The following PARP4 variants were observed in gnomAD, a reference collection of about 807,000 sequenced individuals.
PARP4 encodes the protein poly(ADP-ribose) polymerase family member 4.
PARP4 carries 120 observed loss-of-function variants against 187.7 expected under a neutral mutation model. The ratio of observed to expected loss-of-function variants is 0.64; its 90% CI spans 0.55 to 0.74. PARP4 has a LOEUF of 0.74. Ranked by LOEUF, PARP4 falls within the 30% of genes least tolerant of loss-of-function variation. The pLI is 0.00. For synonymous variants in PARP4, 654 were observed against 740.9 expected (o/e 0.88, Z 1.90); for missense variants, 1,836 against 2,070.5 (o/e 0.89, Z 2.20).
intron 17 of PARP4, among the ~76,000 whole-genome samples, chr13:24,466,213 C>A (rs1373318217): frequency 6.6e-6 from 1 of 152,152 alleles, no homozygotes; most frequent in African/African-American, 2.4e-5. Context: ...GAGACAGGGT[C>A]TCGCTTTGTT....
At chr13:24,459,532 T>TAC (rs762453075) in intron 18 of PARP4, 11,962 of 315,404 alleles carry the variant, frequency 0.038, 316 homozygotes, top group African/African-American at 0.089. Context: ...TCTGTGTGTA[T>TAC]ACACACACAC....
At chr13:24,428,862 G>A (rs1265372865) in intron 32 of PARP4, among the ~76,000 whole-genome samples, 4 of 149,738 alleles carry the variant, frequency 2.7e-5, no homozygotes, top group East Asian at 2.0e-4. Flanking sequence ...GAGTTTGTTG[G>A]ATCTGGAAGG....
intron 1 of PARP4, among the ~76,000 whole-genome samples, chr13:24,507,707 T>C (rs1403831338): frequency 6.6e-6 from 1 of 152,206 alleles, no homozygotes; most frequent in East Asian, 1.9e-4. Flanking sequence ...AGGAAACTTG[T>C]TGTTTTTAAA....
At position 24,484,625 on chromosome 13, in the gene PARP4, C is replaced by T. The variant is rs748548293; in HGVS notation, c.1448+28G>A. 992 of 1,435,308 alleles carry T rather than the reference C, an allele frequency of 6.9e-4. 4 individuals carry two copies. The highest frequency in any genetic ancestry group is 6.0e-4 in the Non-Finnish European group (613 of 1,018,862). 88.9% of individuals were successfully genotyped at this position (1,435,308 alleles called of 1,614,324 possible). A position where few individuals can be genotyped will look rare whatever the true frequency, so the allele number is the denominator to read the frequency against. ...AAAATACACAGCAAGTATTCAGTAACGATTCTGTGATTAAGGATCGAACAT... is the reference window on the plus strand; with the variant it reads ...AAAATACACAGCAAGTATTCAGTAATGATTCTGTGATTAAGGATCGAACAT... On this transcript the variant is annotated intron_variant, in intron 12 of 33. Coordinates refer to ENST00000381989, the MANE Select transcript of PARP4 (RefSeq NM_006437.4).
chr13:24,459,567 ATTTT>A, intron 18 of PARP4: 8 of 410,858 alleles, frequency 1.9e-5, no homozygotes, highest in South Asian at 7.3e-5. Flanking sequence ...ACACACACAC[ATTTT>A]ATACATGTGC....
Position 24,459,087 on chromosome 13 carries a change from A to C in PARP4, c.2381T>G (p.Val794Gly). The change falls in exon 20 of 34, where the codon GTG becomes GGG. Residue 794 changes from valine (V) to glycine (G), a missense_variant. By Grantham distance (109) the Val-to-Gly change is moderately radical. Around this residue, in one of 8 missense-constraint regions of PARP4, gnomAD observed 1,147 missense variants for 1,214.2 expected, o/e 0.94. Transcript: ENST00000381989. Reference protein sequence around the residue: ...SLTMSIEMPYVIEFIFSDTHE... With the variant: ...SLTMSIEMPYGIEFIFSDTHE... ...TGTATCACTGAAAATGAATTCAATC[A>C]CATACGGCATCTCAATAGACATAGT... is the stretch of plus-strand genomic sequence containing the variant. 1 of 1,611,372 alleles carries C rather than the reference A, an allele frequency of 6.2e-7. No individual in the cohort carries two copies. Among genetic ancestry groups the C allele is most frequent in the Non-Finnish European group, 8.5e-7 (1 of 1,178,020 alleles).
intron 1 of PARP4, among the ~76,000 whole-genome samples, chr13:24,506,607 T>G (rs1429231543): frequency 6.6e-6 from 1 of 152,144 alleles, no homozygotes; most frequent in Non-Finnish European, 1.5e-5. Context: ...ATTGGTGCAT[T>G]TACAAACCTT....
intron 2 of PARP4, among the ~76,000 whole-genome samples, chr13:24,502,954 G>A (rs1207819275): frequency 6.6e-6 from 1 of 152,220 alleles, no homozygotes; most frequent in Non-Finnish European, 1.5e-5. Flanking sequence ...GGGTGAGTCA[G>A]CTCATCAATT....
At chr13:24,462,929 T>G (rs1756416101) in intron 17 of PARP4, among the ~76,000 whole-genome samples, 1 of 152,114 alleles carries the variant, frequency 6.6e-6, no homozygotes, top group African/African-American at 2.4e-5. Flanking sequence ...GTATATGTAT[T>G]GAAGTCTCAG....
At position 24,458,759 on chromosome 13, in the gene PARP4, C is replaced by T. The variant is rs551337595; in HGVS notation, c.2424+285G>A. On this transcript the variant is annotated intron_variant, in intron 20 of 33. Coordinates refer to ENST00000381989, the MANE Select transcript of PARP4 (RefSeq NM_006437.4). ...GGGCAAGAGCTACACGTCCAACTTC[C>T]AAAACAGGAAGTCAAAAGATAATTT... Among the ~76,000 whole-genome samples, 10 of 152,090 alleles carry T rather than the reference C, an allele frequency of 6.6e-5. No homozygotes were observed. In the East Asian group the frequency reaches 1.4e-3, roughly 21 times the overall value.
At chr13:24,431,976 C>T (rs1031046153) in intron 31 of PARP4, among the ~76,000 whole-genome samples, 10 of 152,182 alleles carry the variant, frequency 6.6e-5, no homozygotes, top group Non-Finnish European at 1.5e-4. Context: ...ATCCACCCGC[C>T]TCGGCCTCCC....
chr13:24,456,926 C>A (rs1329684604), intron 20 of PARP4, among the ~76,000 whole-genome samples: 1 of 151,220 alleles, frequency 6.6e-6, no homozygotes, highest in Non-Finnish European at 1.5e-5. Context: ...CAAAACAAAA[C>A]AAAAAAAACA....
chr13:24,440,419 T>TAAAAAAAAAAAAAAAAAAAAAATAAAAAA (rs71070698), intron 30 of PARP4, among the ~76,000 whole-genome samples: 1 of 126,222 alleles, frequency 7.9e-6, no homozygotes, highest in Non-Finnish European at 1.6e-5. Context: ...AAATTAAAAT[T>TAAAAAAAAAAAAAAAAAAAAAATAAAAAA]AAAAAAAAAA....
intron 12 of PARP4, among the ~76,000 whole-genome samples, chr13:24,483,008 C>A (rs929036485): frequency 5.3e-5 from 8 of 151,754 alleles, no homozygotes; most frequent in African/African-American, 1.7e-4. Context: ...CTACAGTGCT[C>A]TTTTTTTCTT....
At position 24,434,448 on chromosome 13, in the gene PARP4, G is replaced by C; in HGVS notation, c.4693C>G (p.Gln1565Glu). ...CAAGGCACAGCATCCTGCCAGTGTT[G>C]TATGCACACTATTTCATCCTCTTCT... The part of the protein sequence containing the change: ...VKEEDEIVCI[Q>E]HWQDAVPWTE... Residue 1565 changes from glutamine (Q) to glutamate (E), a missense_variant, in exon 31 of 34, where the codon CAA becomes GAA. By Grantham distance (29) the Gln-to-Glu change is conservative (BLOSUM62 2). This residue lies in a region of PARP4 where 450 missense variants were observed against 439.2 expected (regional missense o/e 1.02). Transcript: ENST00000381989. The C allele has an allele frequency of 6.2e-7, 1 of 1,602,210 alleles. No individual in the cohort carries two copies. Among genetic ancestry groups the C allele is most frequent in the Non-Finnish European group, 8.5e-7 (1 of 1,171,892 alleles).
intron 10 of PARP4, among the ~76,000 whole-genome samples, chr13:24,487,643 G>A (rs1868390346): frequency 6.6e-6 from 1 of 152,110 alleles, no homozygotes; most frequent in Non-Finnish European, 1.5e-5. Flanking sequence ...GGGAGACGGG[G>A]GTACGGCTGA....
chr13:24,475,516 C>T lies in PARP4; in HGVS notation c.1870G>A (p.Glu624Lys). Residue 624 changes from glutamate to lysine, a missense_variant, in exon 15 of 34, where the codon GAG (glutamate) becomes AAG (lysine). Glu to Lys is a moderately conservative substitution (Grantham distance 56). Around this residue, in one of 8 missense-constraint regions of PARP4, gnomAD observed 1,147 missense variants for 1,214.2 expected, o/e 0.94. Coordinates refer to ENST00000381989, the MANE Select transcript of PARP4 (RefSeq NM_006437.4). ...ATTCTCCCTTTGATGTGGACATCCTCCAGAGGAACCAAGTTCCCAGAGGCA... is the reference window on the plus strand; with the variant it reads ...ATTCTCCCTTTGATGTGGACATCCTTCAGAGGAACCAAGTTCCCAGAGGCA... Reference protein sequence around the residue: ...QDASGNLVPLEDVHIKGRIID... With the variant: ...QDASGNLVPLKDVHIKGRIID... The T allele has an allele frequency of 1.2e-6, 2 of 1,614,102 alleles. No individual in the cohort carries two copies. The highest frequency in any genetic ancestry group is 1.7e-6 in the Non-Finnish European group (2 of 1,179,948).
intron 3 of PARP4, among the ~76,000 whole-genome samples, chr13:24,501,043 A>AC (rs1449681282): frequency 6.6e-6 from 1 of 152,188 alleles, no homozygotes; most frequent in Non-Finnish European, 1.5e-5. Flanking sequence ...CTGCAGCAGC[A>AC]TTTCTGGACT....
chr13:24,426,712 A>C lies in PARP4; in HGVS notation c.4847-114T>G. 3.3e-6 allele frequency: 3 copies of C among 920,708 alleles called. No individual in the cohort carries two copies. In the South Asian group the frequency reaches 5.4e-5, roughly 17 times the overall value. The allele number at this position is 920,708 out of a possible 1,614,324, so 57.0% of individuals were successfully genotyped here. ...TACGCCATCTGGCTAACACAATGAA[A>C]CTCCATCTCTGCTAAAAAAAAAAAT... On this transcript the variant is annotated intron_variant, in intron 32 of 33. Transcript: ENST00000381989.
Sources: allele counts gnomAD v4.1 joint callset (sites outside exome capture counted in the v4.1 genomes callset), GRCh38; gene constraint gnomAD v4.1.1; regional missense constraint gnomAD v4.1.1; transcripts MANE v1.5; gene names NCBI Gene and HGNC (gene_info 2026-07-23, HGNC 2026-07-21).